GALNT9: variants seen among roughly 807,000 people sequenced by gnomAD.
The protein encoded by GALNT9 is GalNAc transferase 9.
GALNT9 carries 47 observed loss-of-function variants against 63.1 expected under a neutral mutation model. The ratio of observed to expected loss-of-function variants is 0.75; its 90% CI spans 0.59 to 0.95. GALNT9 has a LOEUF of 0.95. Among genes scored for constraint, GALNT9 ranks in the 40% least tolerant of loss-of-function variants. GALNT9 has a pLI of 0.00. For missense variants in GALNT9, 829 were observed against 874.8 expected (o/e 0.95, Z 0.66); for synonymous variants, 396 against 365.7 (o/e 1.08, Z -0.94).
intron 1 of GALNT9, among the ~76,000 whole-genome samples, chr12:132,298,932 C>T (rs1284478453): frequency 6.7e-6 from 1 of 149,528 alleles, no homozygotes; most frequent in African/African-American, 2.4e-5. Context: ...CCTAACCCAT[C>T]CCAGAGATAA....
intron 1 of GALNT9, among the ~76,000 whole-genome samples, chr12:132,305,535 C>G (rs1288810373): frequency 6.9e-6 from 1 of 144,698 alleles, no homozygotes; most frequent in Admixed American, 6.8e-5. Context: ...CCGGGCACAC[C>G]CTCACCCGGG....
chr12:132,293,884 T>C (rs1880953715), intron 1 of GALNT9, among the ~76,000 whole-genome samples: 1 of 152,154 alleles, frequency 6.6e-6, no homozygotes, highest in Admixed American at 6.5e-5. Flanking sequence ...GGATCCCGTA[T>C]ACAGTCGGGG....
chr12:132,213,568 G>C (rs936040565), intron 6 of GALNT9, among the ~76,000 whole-genome samples: 3 of 151,366 alleles, frequency 2.0e-5, no homozygotes, highest in Admixed American at 1.3e-4. Flanking sequence ...GTCACACACA[G>C]GCACTCCCAC....
intron 1 of GALNT9, among the ~76,000 whole-genome samples, chr12:132,320,274 G>A (rs536870721): frequency 5.3e-5 from 8 of 152,194 alleles, no homozygotes; most frequent in Non-Finnish European, 1.2e-4. Flanking sequence ...AGGGTGCTGC[G>A]TGCAGAGCCG....
chr12:132,202,375 C>T (rs942711687), intron 7 of GALNT9, among the ~76,000 whole-genome samples: 5 of 152,178 alleles, frequency 3.3e-5, no homozygotes, highest in Non-Finnish European at 5.9e-5. Flanking sequence ...CACGTGTCTA[C>T]GGCTCCTGAT....
intron 6 of GALNT9, among the ~76,000 whole-genome samples, chr12:132,231,558 CGAT>C (rs2135526475): frequency 6.0e-5 from 1 of 16,754 alleles, no homozygotes; most frequent in Non-Finnish European, 1.0e-4. Context: ...GCCACACACT[CGAT>C]GGGGCGACAG....
intron 2 of GALNT9, among the ~76,000 whole-genome samples, chr12:132,263,148 G>C (rs1879468936): frequency 6.6e-6 from 1 of 152,304 alleles, no homozygotes; most frequent in Admixed American, 6.5e-5. Context: ...CACAGCCAAG[G>C]AGCCAGCCAC....
chr12:132,263,867 G>A (rs1347933177), intron 2 of GALNT9, among the ~76,000 whole-genome samples: 2 of 150,726 alleles, frequency 1.3e-5, no homozygotes, highest in Non-Finnish European at 2.9e-5. Flanking sequence ...GGGGGACAGT[G>A]GTGGACTCCA....
intron 2 of GALNT9, among the ~76,000 whole-genome samples, chr12:132,264,176 T>C (rs1257642901): frequency 6.6e-6 from 1 of 152,194 alleles, no homozygotes; most frequent in Non-Finnish European, 1.5e-5. Flanking sequence ...GCCACTCGCT[T>C]TATAAACAAG....
intron 1 of GALNT9, among the ~76,000 whole-genome samples, chr12:132,322,083 G>A (rs1286759914): frequency 6.6e-6 from 1 of 152,122 alleles, no homozygotes; most frequent in Admixed American, 6.6e-5. Flanking sequence ...CCTGGCTGAG[G>A]GCATCTTATC....
chr12:132,199,122 G>A, intron 9 of GALNT9, 52 bp downstream of exon 9: 1 of 1,205,606 alleles, frequency 8.3e-7, no homozygotes, highest in Admixed American at 1.7e-5. Context: ...GGGTCCGGGT[G>A]GCCTGGGGTC....
chr12:132,213,006 G>A (rs1467366620), intron 6 of GALNT9, among the ~76,000 whole-genome samples: 5 of 145,452 alleles, frequency 3.4e-5, no homozygotes, highest in Middle Eastern at 3.6e-3. Context: ...ACCGTGACAC[G>A]GAAACCCCAC....
Position 132,257,869 on chromosome 12 carries a change from G to T in GALNT9, c.779C>A (p.Ser260Ter). ...FNTGWAEPAL[S>*]RIREDRRRIV... ...GCGACGCCGGTCCTCTCGGATCCGCGACAGTGCGGGCTCGGCCCTGCGGAG... is the reference window on the plus strand; with the variant it reads ...GCGACGCCGGTCCTCTCGGATCCGCTACAGTGCGGGCTCGGCCCTGCGGAG... The change falls in exon 5 of 11, where the codon TCG becomes TAG. Residue 260 changes from serine to a stop codon, truncating the protein, a stop_gained. Transcript: ENST00000328957. LOFTEE classifies it high-confidence loss of function. 2 of 1,545,098 alleles carry T rather than the reference G, an allele frequency of 1.3e-6. No individual in the cohort carries two copies. Among genetic ancestry groups the T allele is most frequent in the South Asian group, 1.2e-5 (1 of 83,910 alleles).
chr12:132,225,842 A>C (rs1229233782), intron 6 of GALNT9, among the ~76,000 whole-genome samples: 19 of 99,380 alleles, frequency 1.9e-4, no homozygotes, highest in Middle Eastern at 6.4e-3. Flanking sequence ...ACACCACACA[A>C]CCCACACCCC....
chr12:132,261,816 G>C (rs1320471032), intron 3 of GALNT9, among the ~76,000 whole-genome samples: 1 of 152,250 alleles, frequency 6.6e-6, no homozygotes, highest in South Asian at 2.1e-4. Context: ...TGGGGGACAG[G>C]CCTGGGGCAG....
chr12:132,229,004 A>G (rs1230629891), intron 6 of GALNT9, among the ~76,000 whole-genome samples: 1 of 152,134 alleles, frequency 6.6e-6, no homozygotes, highest in African/African-American at 2.4e-5. Flanking sequence ...CGGGTTAGAC[A>G]CGGGTGCACA....
chr12:132,304,750 G>C (rs377578393), intron 1 of GALNT9, among the ~76,000 whole-genome samples: 104 of 10,562 alleles, frequency 9.8e-3, no homozygotes, highest in East Asian at 0.056. Flanking sequence ...CCCAGACACA[G>C]CCTCGCCCGG....
Position 132,239,263 on chromosome 12 carries a change from CAGAG to C in GALNT9, c.1077+8643_1077+8646del, listed in dbSNP as rs199703224. 2.1e-3 allele frequency among the ~76,000 whole-genome samples: 313 copies of C among 150,080 alleles called. 3 individuals carry two copies. Among genetic ancestry groups the C allele is most frequent in the African/African-American group, 7.1e-3 (290 of 41,122 alleles). On this transcript the variant is annotated intron_variant, in intron 6 of 10. Coordinates refer to ENST00000328957, the MANE Select transcript of GALNT9 (RefSeq NM_001122636.2). ...ACACATACACTGAGAGACTGAGAGA[CAGAG>C]AGACACAGAGACAGAGACACAGAGA...
chr12:132,267,745 GCACACACACT>G lies in GALNT9; in HGVS notation c.420-5130_420-5121del, dbSNP rs1489641290. On this transcript the variant is annotated intron_variant, in intron 2 of 10. Coordinates refer to ENST00000328957, the MANE Select transcript of GALNT9 (RefSeq NM_001122636.2). Reference sequence around the variant, plus strand: ...CTTCGGAAAATGGGGAAATACACAAGCACACACACTCACACACACATGCACTCACACACAC... The same window carrying G: ...CTTCGGAAAATGGGGAAATACACAAGCACACACACATGCACTCACACACAC... Among the ~76,000 whole-genome samples, 3 of 132,500 alleles carry G rather than the reference GCACACACACT, an allele frequency of 2.3e-5. No homozygotes were observed. The East Asian group carries it at 6.2e-4, about 27-fold the overall frequency. The allele number at this position is 132,500 out of a possible 152,430, so 86.9% of individuals were successfully genotyped here. A position where few individuals can be genotyped will look rare whatever the true frequency, so the allele number is the denominator to read the frequency against.
Sources: gnomAD v4.1 joint callset for allele counts (sites outside exome capture counted in the v4.1 genomes callset) on GRCh38, gnomAD v4.1.1 for gene constraint, MANE v1.5 for transcripts, NCBI Gene and HGNC (gene_info 2026-07-23, HGNC 2026-07-21) for gene names.